PIEZO2: variants seen among roughly 807,000 people sequenced by gnomAD.
PIEZO2 encodes piezo-type mechanosensitive ion channel component 2.
A neutral mutation model predicts 337.3 loss-of-function variants in PIEZO2; 172 were observed. That is an observed-to-expected ratio of 0.51 (90% confidence interval 0.45 to 0.58). The LOEUF is 0.58. PIEZO2 is among the 20% of genes least tolerant of loss of function. PIEZO2 has a pLI of 0.00. For synonymous variants in PIEZO2, 1,251 were observed against 1,228.5 expected (o/e 1.02, Z -0.38); for missense variants, 3,028 against 3,391.3 (o/e 0.89, Z 2.66).
chr18:10,703,593 C>G (rs186993202), intron 42 of PIEZO2, among the ~76,000 whole-genome samples: 2 of 152,150 alleles, frequency 1.3e-5, no homozygotes, highest in African/African-American at 4.8e-5. Context: ...ACAACTTTTC[C>G]TTACAAGTCA....
Position 10,791,532 on chromosome 18 carries a change from G to T in PIEZO2, c.1759-208C>A, listed in dbSNP as rs994939060. The stretch of plus-strand genomic sequence containing the variant: ...CGAGGATGCTCCCATGTTTGTGTTG[G>T]GTGCCAGAAGCACCACGCAAGTCCT... On this transcript the variant is annotated intron_variant, in intron 13 of 55. Coordinates refer to ENST00000674853, the MANE Select transcript of PIEZO2 (RefSeq NM_001378183.1). 2.0e-4 allele frequency: 82 copies of T among 412,582 alleles called. 1 individual carries two copies. Among genetic ancestry groups the T allele is most frequent in the Non-Finnish European group, 3.1e-4 (76 of 247,568 alleles). 25.6% of individuals were successfully genotyped at this position (412,582 alleles called of 1,614,324 possible).
chr18:10,968,264 G>A (rs140319505), intron 3 of PIEZO2, among the ~76,000 whole-genome samples: 227 of 152,200 alleles, frequency 1.5e-3, no homozygotes, highest in Non-Finnish European at 2.1e-3. Context: ...GCTGTTAAGC[G>A]TTTGGCTTTA....
rs549316847 is a variant in PIEZO2 at position 10,844,361 on chromosome 18, A to G, written c.917+10992T>C. Among the ~76,000 whole-genome samples, 212 of 151,392 alleles carry G rather than the reference A, an allele frequency of 1.4e-3. 1 individual carries two copies. Among genetic ancestry groups the G allele is most frequent in the African/African-American group, 4.9e-3 (202 of 41,260 alleles). On this transcript the variant is annotated intron_variant, in intron 7 of 55. Coordinates refer to ENST00000674853, the MANE Select transcript of PIEZO2 (RefSeq NM_001378183.1). ...CTTGAATCTCGGAGGCGGGAGTTGC[A>G]GTGAGCCGAGACTGCACCACTGTGC... is the stretch of plus-strand genomic sequence containing the variant.
intron 49 of PIEZO2, among the ~76,000 whole-genome samples, chr18:10,688,292 T>A (rs1243220011): frequency 1.3e-5 from 2 of 152,204 alleles, no homozygotes; most frequent in African/African-American, 4.8e-5. Context: ...TTGCTGAGAA[T>A]GATGGCTTCC....
intron 3 of PIEZO2, among the ~76,000 whole-genome samples, chr18:10,937,172 T>C (rs2032446504): frequency 6.6e-6 from 1 of 152,168 alleles, no homozygotes; most frequent in Admixed American, 6.5e-5. Flanking sequence ...CTCCTTGAAA[T>C]AGTTCAGTGG....
rs971301478 is a variant in PIEZO2 at position 11,146,813 on chromosome 18, T to C, written c.64+1712A>G. 6.6e-6 allele frequency among the ~76,000 whole-genome samples: 1 copy of C among 152,134 alleles called. No individual in the cohort carries two copies. Among genetic ancestry groups the C allele is most frequent in the Non-Finnish European group, 1.5e-5 (1 of 68,002 alleles). On this transcript the variant is annotated intron_variant, in intron 1 of 55. Coordinates refer to ENST00000674853, the MANE Select transcript of PIEZO2 (RefSeq NM_001378183.1). This position sits in a 1 kb window ranked among gnomAD's most constrained non-coding sequence, Gnocchi z 6.1. ...AACAGTCACAGTGAGCTGCTGTCCC[T>C]TGGAGAGCGGGATGGGGGATGGGGA...
chr18:10,950,975 G>T (rs994745555), intron 3 of PIEZO2, among the ~76,000 whole-genome samples: 2 of 152,158 alleles, frequency 1.3e-5, no homozygotes, highest in Non-Finnish European at 2.9e-5. Flanking sequence ...TACAAATTGG[G>T]TCATTCTTGT....
intron 2 of PIEZO2, among the ~76,000 whole-genome samples, chr18:11,040,170 C>T (rs924665859): frequency 1.3e-5 from 2 of 151,418 alleles, no homozygotes; most frequent in African/African-American, 4.8e-5. Context: ...TCAGTAGTTG[C>T]TCTTCAACAA....
chr18:11,087,301 A>G (rs1237328824), intron 1 of PIEZO2, among the ~76,000 whole-genome samples: 1 of 152,116 alleles, frequency 6.6e-6, no homozygotes, highest in East Asian at 1.9e-4. Flanking sequence ...AGACAATGAC[A>G]CCACCCTTAG....
Position 10,726,866 on chromosome 18 carries a change from G to T in PIEZO2, c.5029+4541C>A. On this transcript the variant is annotated intron_variant, in intron 36 of 55. Coordinates refer to ENST00000674853, the MANE Select transcript of PIEZO2 (RefSeq NM_001378183.1). The surrounding 1 kb of genome is among the most constrained non-coding windows in gnomAD (Gnocchi z 5.9). ...CTTATGCAGGACTTGGCACGCTACCGGCAGCAGCTGAAGCACATCATGGCC... is the reference window on the plus strand; with the variant it reads ...CTTATGCAGGACTTGGCACGCTACCTGCAGCAGCTGAAGCACATCATGGCC... 1.0e-5 allele frequency: 16 copies of T among 1,597,788 alleles called. No individual in the cohort carries two copies. Among genetic ancestry groups the T allele is most frequent in the Non-Finnish European group, 1.3e-5 (15 of 1,168,050 alleles).
chr18:10,703,455 C>T (rs2035426547), intron 42 of PIEZO2, among the ~76,000 whole-genome samples: 1 of 152,224 alleles, frequency 6.6e-6, no homozygotes, highest in African/African-American at 2.4e-5. Context: ...TTTTGAGATG[C>T]TTTACTGTAT....
rs1331773205 is a variant in PIEZO2, at chr18:10,862,322, T to A, written c.493-5111A>T. 6.6e-6 allele frequency among the ~76,000 whole-genome samples: 1 copy of A among 152,152 alleles called. No individual in the cohort carries two copies. Among genetic ancestry groups the A allele is most frequent in the Non-Finnish European group, 1.5e-5 (1 of 68,022 alleles). Reference sequence around the variant, plus strand: ...TTAGTGTAAGATCTCTCATTTCACATAAGGAAACTTTAGGTGCTATGGAAT... The same window carrying A: ...TTAGTGTAAGATCTCTCATTTCACAAAAGGAAACTTTAGGTGCTATGGAAT... On this transcript the variant is annotated intron_variant, in intron 5 of 55. Transcript: ENST00000674853. The surrounding 1 kb of genome is among the most constrained non-coding windows in gnomAD (Gnocchi z 4.4).
chr18:10,956,852 C>T (rs553616644), intron 3 of PIEZO2, among the ~76,000 whole-genome samples: 2 of 151,580 alleles, frequency 1.3e-5, no homozygotes, highest in African/African-American at 4.8e-5. Context: ...GCCTGTAATC[C>T]CAGCTACTCG....
At chr18:10,744,352 T>G (rs2037342067) in intron 30 of PIEZO2, 121 bp from the exon 31 acceptor site, 6 of 660,264 alleles carry the variant, frequency 9.1e-6, no homozygotes, top group Non-Finnish European at 1.6e-5. Flanking sequence ...TGCTTGTAGT[T>G]TCCTGGCTGG....
At chr18:10,760,035 A>G (rs1249132843) in intron 24 of PIEZO2, 126 bp from the exon 25 acceptor site, 2 of 787,120 alleles carry the variant, frequency 2.5e-6, no homozygotes, top group Admixed American at 4.9e-5. Context: ...GTCTGCACAG[A>G]TTCACAAATG....
chr18:10,826,015 A>C (rs1188436329), intron 7 of PIEZO2, among the ~76,000 whole-genome samples: 1 of 152,228 alleles, frequency 6.6e-6, no homozygotes, highest in Non-Finnish European at 1.5e-5. Context: ...ATAAACTCAC[A>C]ATATGCATTT....
At chr18:10,955,441 T>C (rs2033475662) in intron 3 of PIEZO2, among the ~76,000 whole-genome samples, 1 of 152,218 alleles carries the variant, frequency 6.6e-6, no homozygotes. Flanking sequence ...GGTGTCATCA[T>C]GCAGCCACTA....
intron 3 of PIEZO2, among the ~76,000 whole-genome samples, chr18:10,933,624 C>A (rs2032215625): frequency 6.6e-6 from 1 of 152,138 alleles, no homozygotes. Flanking sequence ...AATTTAAGAA[C>A]CCTGCACACT....
chr18:11,050,524 TACACACACACACACAC>T (rs56107549), intron 2 of PIEZO2, among the ~76,000 whole-genome samples: 4 of 148,964 alleles, frequency 2.7e-5, no homozygotes, highest in African/African-American at 7.4e-5. Context: ...GTGTTTATTT[TACACACACACACACAC>T]ACACACACAC....
Sources: gnomAD v4.1 joint callset for allele counts (sites outside exome capture counted in the v4.1 genomes callset) on GRCh38, gnomAD v4.1.1 for gene constraint, Gnocchi (gnomAD v3.1) non-coding constraint, MANE v1.5 for transcripts, NCBI Gene and HGNC (gene_info 2026-07-23, HGNC 2026-07-21) for gene names.